PXDNL: variants seen among roughly 807,000 people sequenced by gnomAD.
The protein encoded by PXDNL is peroxidasin like, also known as probable oxidoreductase PXDNL.
Under a neutral mutation model 150.8 loss-of-function variants are expected in PXDNL, and 145 were observed. That is an observed-to-expected ratio of 0.96 (90% CI 0.84 to 1.10). PXDNL has a LOEUF of 1.10. PXDNL is among the 50% of genes least tolerant of loss of function. The pLI is 0.00. For missense variants in PXDNL, 2,087 were observed against 1,873.9 expected (o/e 1.11, Z -2.10); for synonymous variants, 757 against 725.7 (o/e 1.04, Z -0.69).
At chr8:51,502,928 C>G (rs1811217573) in intron 4 of PXDNL, among the ~76,000 whole-genome samples, 1 of 152,092 alleles carries the variant, frequency 6.6e-6, no homozygotes, top group Non-Finnish European at 1.5e-5. Context: ...AACAGTTTAT[C>G]CAATATCACT....
chr8:51,467,357 C>A (rs1261072042), intron 8 of PXDNL, among the ~76,000 whole-genome samples: 1 of 152,014 alleles, frequency 6.6e-6, no homozygotes, highest in African/African-American at 2.4e-5. Flanking sequence ...TAAGTGAGAG[C>A]TAAATATTGT....
At chr8:51,492,889 C>T (rs1001142858) in intron 5 of PXDNL, among the ~76,000 whole-genome samples, 13 of 152,160 alleles carry the variant, frequency 8.5e-5, no homozygotes, top group Admixed American at 6.5e-5. Flanking sequence ...CAGCATAATC[C>T]TCTGCAGACT....
intron 17 of PXDNL, among the ~76,000 whole-genome samples, chr8:51,398,400 C>T (rs1379950229): frequency 6.6e-6 from 1 of 152,198 alleles, no homozygotes; most frequent in Non-Finnish European, 1.5e-5. Context: ...GACACCTGAG[C>T]AAGAGGAACT....
At chr8:51,486,771 TATATATATATATATA>T (rs1810753503) in intron 5 of PXDNL, among the ~76,000 whole-genome samples, 5 of 8,824 alleles carry the variant, frequency 5.7e-4, no homozygotes, top group African/African-American at 1.2e-3. Flanking sequence ...TATATATATA[TATATATATATATATA>T]TATATATATT....
intron 1 of PXDNL, among the ~76,000 whole-genome samples, chr8:51,748,520 G>A (rs558545294): frequency 1.6e-4 from 24 of 152,286 alleles, no homozygotes; most frequent in African/African-American, 5.1e-4. Context: ...CAGGACACCC[G>A]GTCCCAGCTG....
At chr8:51,574,115 A>G (rs564511243) in intron 3 of PXDNL, among the ~76,000 whole-genome samples, 1 of 152,156 alleles carries the variant, frequency 6.6e-6, no homozygotes, top group African/African-American at 2.4e-5. Context: ...AGGATTATAT[A>G]ATAGAGATTT....
intron 1 of PXDNL, among the ~76,000 whole-genome samples, chr8:51,680,499 TA>T (rs1351392600): frequency 6.6e-6 from 1 of 152,152 alleles, no homozygotes; most frequent in Non-Finnish European, 1.5e-5. Flanking sequence ...TATGTGTGTT[TA>T]AAAAAACTGA....
chr8:51,367,023 C>T (rs1201072067), intron 19 of PXDNL, among the ~76,000 whole-genome samples: 3 of 137,922 alleles, frequency 2.2e-5, no homozygotes, highest in Admixed American at 1.7e-4. Context: ...ATCGCTTAAA[C>T]CTGGGAGGTG....
chr8:51,801,754 C>G (rs1563325411), intron 1 of PXDNL, among the ~76,000 whole-genome samples: 1 of 152,192 alleles, frequency 6.6e-6, no homozygotes, highest in African/African-American at 2.4e-5. Context: ...CACTTATGTT[C>G]TAATTGTATT....
chr8:51,635,780 A>C (rs1814592297), intron 2 of PXDNL, among the ~76,000 whole-genome samples: 1 of 152,050 alleles, frequency 6.6e-6, no homozygotes, highest in Non-Finnish European at 1.5e-5. Context: ...CAAATATTTA[A>C]AGAATTAATA....
intron 1 of PXDNL, among the ~76,000 whole-genome samples, chr8:51,765,823 G>T (rs1344775208): frequency 6.8e-6 from 1 of 146,554 alleles, no homozygotes; most frequent in Non-Finnish European, 1.5e-5. Context: ...ATTCTCTACT[G>T]TAGCATTTTA....
intron 2 of PXDNL, among the ~76,000 whole-genome samples, chr8:51,649,957 G>T (rs1814999477): frequency 6.6e-6 from 1 of 151,854 alleles, no homozygotes; most frequent in Non-Finnish European, 1.5e-5. Context: ...CAAAAAATTG[G>T]CTAGGTGTGC....
chr8:51,366,997 A>AG (rs1466491619), intron 19 of PXDNL, among the ~76,000 whole-genome samples: 2 of 144,472 alleles, frequency 1.4e-5, no homozygotes, highest in Non-Finnish European at 3.0e-5. Context: ...GCTACTTTGG[A>AG]GGCTGAGGCA....
At chr8:51,442,074 C>G (rs1489054343) in intron 12 of PXDNL, among the ~76,000 whole-genome samples, 1 of 151,970 alleles carries the variant, frequency 6.6e-6, no homozygotes, top group African/African-American at 2.4e-5. Flanking sequence ...AGAACAAAAC[C>G]CATGTGACAT....
chr8:51,490,857 T>A (rs772864452), intron 5 of PXDNL, among the ~76,000 whole-genome samples: 39 of 151,924 alleles, frequency 2.6e-4, no homozygotes, highest in Non-Finnish European at 3.8e-4. Context: ...TAAAAATCTA[T>A]TACCTAGCTG....
chr8:51,407,763 T>G (rs1808477066), intron 17 of PXDNL, among the ~76,000 whole-genome samples: 1 of 152,184 alleles, frequency 6.6e-6, no homozygotes, highest in Admixed American at 6.5e-5. Flanking sequence ...AAAAGGGCCT[T>G]GCTTGGATTA....
At chr8:51,361,962 A>AAAAG (rs1806763499) in intron 19 of PXDNL, among the ~76,000 whole-genome samples, 1 of 148,380 alleles carries the variant, frequency 6.7e-6, no homozygotes, top group African/African-American at 2.5e-5. Flanking sequence ...AAAAAAAAAA[A>AAAAG]AAAGAAAAGA....
intron 4 of PXDNL, among the ~76,000 whole-genome samples, chr8:51,511,598 C>T (rs1811419955): frequency 6.6e-6 from 1 of 152,124 alleles, no homozygotes; most frequent in Non-Finnish European, 1.5e-5. Flanking sequence ...GTATGTACTC[C>T]AAAGCCACTC....
chr8:51,664,102 T>C (rs1412185526), intron 1 of PXDNL, among the ~76,000 whole-genome samples: 1 of 151,134 alleles, frequency 6.6e-6, no homozygotes, highest in Non-Finnish European at 1.5e-5. Context: ...GGGTTTGATC[T>C]GTCCTGAACG....
Sources: gnomAD v4.1 joint callset for allele counts (sites outside exome capture counted in the v4.1 genomes callset) on GRCh38, gnomAD v4.1.1 for gene constraint, MANE v1.5 for transcripts, NCBI Gene and HGNC (gene_info 2026-07-23, HGNC 2026-07-21) for gene names.